Variants in ZNF248 observed in about 807,000 individuals in gnomAD.
ZNF248 encodes the protein zinc finger protein 248.
ZNF248 carries 20 observed loss-of-function variants against 44.3 expected under a neutral mutation model. That is an observed-to-expected ratio of 0.45 (90% CI 0.32 to 0.66). The LOEUF is 0.66. ZNF248 is among the 30% of genes least tolerant of loss of function. The pLI is 0.04. For missense variants in ZNF248, 654 were observed against 677.0 expected, an observed-to-expected ratio of 0.97 and a Z score of 0.38; for synonymous variants, 224 against 229.0, an observed-to-expected ratio of 0.98 and a Z score of 0.20.
chr10:37,823,610 G>T (rs1335790122), intron 6 of ZNF248, among the ~76,000 whole-genome samples: 1 of 151,954 alleles, frequency 6.6e-6, no homozygotes, highest in Non-Finnish European at 1.5e-5. Flanking sequence ...GTCTCGCTCT[G>T]TTGCCCAGGC....
chr10:37,801,186 C>T (rs985361005), intron 6 of ZNF248, among the ~76,000 whole-genome samples: 29 of 151,904 alleles, frequency 1.9e-4, no homozygotes, highest in African/African-American at 5.5e-4. Context: ...ACCATCCTGG[C>T]TAACATGGTG....
chr10:37,806,880 C>G (rs1402389756), intron 6 of ZNF248, among the ~76,000 whole-genome samples: 2 of 152,124 alleles, frequency 1.3e-5, no homozygotes, highest in East Asian at 3.9e-4. Flanking sequence ...AATCTTAACT[C>G]TTACATGTAG....
chr10:37,843,876 A>AAC (rs924379090), intron 3 of ZNF248, among the ~76,000 whole-genome samples: 1 of 152,174 alleles, frequency 6.6e-6, no homozygotes, highest in Admixed American at 6.5e-5. Flanking sequence ...GCAGAACAGA[A>AAC]AAAAATATAT....
the ZNF248 span, among the ~76,000 whole-genome samples, chr10:37,762,496 G>C: frequency 1.3e-5 from 2 of 152,304 alleles, no homozygotes; most frequent in Admixed American, 1.3e-4. Context: ...TCAGGGGTAA[G>C]CAAACTTTGG....
At chr10:37,828,196 G>T (rs955837813), downstream of ZNF248, among the ~76,000 whole-genome samples, 38 of 152,182 alleles carry the variant, frequency 2.5e-4, no homozygotes, top group African/African-American at 8.9e-4. Flanking sequence ...GCATGTGTTA[G>T]ATACACACAT....
At position 37,842,428 on chromosome 10, in the gene ZNF248, G is replaced by C. The variant is rs573180253; in HGVS notation, c.16-4317C>G. 5.3e-5 allele frequency among the ~76,000 whole-genome samples: 8 copies of C among 152,272 alleles called. No homozygotes were observed. In the East Asian group the frequency reaches 1.5e-3, roughly 29 times the overall value. Reference sequence around the variant, plus strand: ...AAAAAATAAAAGGCAACTTCAAAATGGTAGGAAAGCTTTGTGGCACTTCTA... The same window carrying C: ...AAAAAATAAAAGGCAACTTCAAAATCGTAGGAAAGCTTTGTGGCACTTCTA... On this transcript the variant is annotated intron_variant, in intron 3 of 5. Transcript: ENST00000395867.
chr10:37,824,789 C>T (rs1192394781), downstream of ZNF248, among the ~76,000 whole-genome samples: 1 of 143,568 alleles, frequency 7.0e-6, no homozygotes, highest in African/African-American at 2.6e-5. Flanking sequence ...TCACACCATT[C>T]TCCTGCCTCA....
intron 3 of ZNF248, among the ~76,000 whole-genome samples, chr10:37,852,724 TTTA>T (rs1229949703): frequency 6.7e-6 from 1 of 149,218 alleles, no homozygotes; most frequent in Non-Finnish European, 1.5e-5. Context: ...AATATATGTA[TTTA>T]TATATGTAAT....
At chr10:37,801,785 A>T (rs1449398519) in intron 6 of ZNF248, among the ~76,000 whole-genome samples, 1 of 152,124 alleles carries the variant, frequency 6.6e-6, no homozygotes, top group African/African-American at 2.4e-5. Flanking sequence ...CATGTGCAGT[A>T]CCACAGATGA....
Position 37,829,932 on chromosome 10 carries a change from A to G in ZNF248, c.*1683T>C. On this transcript the variant is annotated 3_prime_UTR_variant, in exon 6 of 6. Transcript: ENST00000395867. The stretch of plus-strand genomic sequence containing the variant: ...AGTCATCTGGGAGAAGGATGCACAA[A>G]AATATAAAATTTAGCTCAGCAAGGA... 6.1e-6 allele frequency: 6 copies of G among 985,426 alleles called. No individual in the cohort carries two copies. The highest frequency in any genetic ancestry group is 7.2e-6 in the Non-Finnish European group (6 of 829,932). The allele number at this position is 985,426 out of a possible 1,614,324, so 61.0% of individuals were successfully genotyped here.
chr10:37,851,768 C>CAAAAAAAAAAAAAA (rs57501241), intron 3 of ZNF248, among the ~76,000 whole-genome samples: 5 of 32,058 alleles, frequency 1.6e-4, no homozygotes, highest in African/African-American at 2.6e-4. Flanking sequence ...TCAGAATGAC[C>CAAAAAAAAAAAAAA]AAAAAAAAAA....
At chr10:37,785,944 C>T (rs1447673048) in intron 6 of ZNF248, among the ~76,000 whole-genome samples, 4 of 152,074 alleles carry the variant, frequency 2.6e-5, no homozygotes, top group Admixed American at 2.0e-4. Context: ...ATCTTTGAGT[C>T]TTTTGTTAAT....
intron 3 of ZNF248, among the ~76,000 whole-genome samples, chr10:37,844,949 C>T (rs1421752519): frequency 2.2e-5 from 3 of 138,198 alleles, no homozygotes; most frequent in African/African-American, 5.3e-5. Context: ...TCCCCCTTCC[C>T]TCCCCCCTTC....
At position 37,820,532 on chromosome 10, in the gene ZNF248, G is replaced by T. The variant is rs1677194309; in HGVS notation, c.330+12493C>A. The T allele has an allele frequency of 8.7e-6, 14 of 1,601,866 alleles. No homozygotes were observed. In the South Asian group the frequency reaches 1.5e-4, roughly 18 times the overall value. ...TTGCGGTGAGGATCGTGCAACTGGT[G>T]CAACACTTCTGCCAGGGCTGGTCCC... On this transcript the variant is annotated intron_variant, in intron 6 of 6. Coordinates refer to the ZNF248 transcript ENST00000615949.
intron 6 of ZNF248, among the ~76,000 whole-genome samples, chr10:37,793,650 T>C (rs141484828): frequency 7.7e-4 from 117 of 152,334 alleles, no homozygotes; most frequent in African/African-American, 2.8e-3. Context: ...GAATCACATA[T>C]GCAAATCCAA....
the ZNF248 span, among the ~76,000 whole-genome samples, chr10:37,761,128 A>G: frequency 6.6e-6 from 1 of 152,204 alleles, no homozygotes; most frequent in African/African-American, 2.4e-5. Flanking sequence ...GGTTACTGGC[A>G]GTTCCAAGGT....
chr10:37,777,934 A>G (rs565016633), intron 6 of ZNF248, among the ~76,000 whole-genome samples: 4,115 of 151,880 alleles, frequency 0.027, 100 homozygotes, highest in African/African-American at 0.081. Context: ...CCAGTCTATC[A>G]TTGTTGGACA....
intron 3 of ZNF248, among the ~76,000 whole-genome samples, chr10:37,847,193 A>C (rs1375041083): frequency 1.3e-5 from 2 of 152,004 alleles, no homozygotes; most frequent in African/African-American, 4.8e-5. Flanking sequence ...ATGCCCAGCT[A>C]ACTTTTTATT....
chr10:37,820,449 C>T, intron 6 of ZNF248: 1 of 1,583,576 alleles, frequency 6.3e-7, no homozygotes, highest in Non-Finnish European at 8.7e-7. Flanking sequence ...GCAGTGCTGC[C>T]ATCTAAACCA....
Sources: gnomAD v4.1 joint callset for allele counts (sites outside exome capture counted in the v4.1 genomes callset) on GRCh38, gnomAD v4.1.1 for gene constraint, MANE v1.5 for transcripts, NCBI Gene and HGNC (gene_info 2026-07-23, HGNC 2026-07-21) for gene names.